PGLYRP4: variants seen among roughly 807,000 people sequenced by gnomAD.
PGLYRP4 encodes the protein peptidoglycan recognition protein 4.
A neutral mutation model predicts 41.2 loss-of-function variants in PGLYRP4; 39 were observed. The ratio of observed to expected loss-of-function variants is 0.95; its 90% CI spans 0.73 to 1.24. The LOEUF (loss-of-function observed/expected upper bound fraction) is 1.24, where lower values mean the gene tolerates loss of function less well. PGLYRP4 is among the 50% of genes most tolerant of loss of function. The pLI, the probability that PGLYRP4 is intolerant of heterozygous loss-of-function variation, is 0.00. For missense variants in PGLYRP4, 467 were observed against 460.7 expected, an observed-to-expected ratio of 1.01 and a Z score of -0.13; for synonymous variants, 202 against 186.8, an observed-to-expected ratio of 1.08 and a Z score of -0.66.
Position 153,330,500 on chromosome 1 carries a change from G to T in PGLYRP4, c.*267C>A. 1 of 262,940 alleles carries T rather than the reference G, an allele frequency of 3.8e-6. No homozygotes were observed. 16.3% of individuals were successfully genotyped at this position (262,940 alleles called of 1,614,324 possible). A position where few individuals can be genotyped will look rare whatever the true frequency, so the allele number is the denominator to read the frequency against. ...AACCAGCCCATTGTCTCACCTGGCT[G>T]AGGAGTTGGGTTTCCAAGGGAGAGG... On this transcript the variant is annotated 3_prime_UTR_variant, in exon 9 of 9. Transcript: ENST00000359650.
At chr1:153,340,201 C>G (rs1038475717) in intron 7 of PGLYRP4, among the ~76,000 whole-genome samples, 180 bp downstream of exon 7, 1 of 152,160 alleles carries the variant, frequency 6.6e-6, no homozygotes, top group South Asian at 2.1e-4. Context: ...ATGACTACCC[C>G]CTTGGCTATC....
At position 153,343,293 on chromosome 1, in the gene PGLYRP4, GAGA is replaced by G. The variant is rs528255380; in HGVS notation, c.354-88_354-86del. 156 of 857,086 alleles carry G rather than the reference GAGA, an allele frequency of 1.8e-4. 1 individual carries two copies. In the East Asian group the frequency reaches 3.7e-3, roughly 20 times the overall value. 53.1% of individuals were successfully genotyped at this position (857,086 alleles called of 1,614,324 possible). A position where few individuals can be genotyped will look rare whatever the true frequency, so the allele number is the denominator to read the frequency against. ...AAACCACTTACCCAGCCTCAAAATG[GAGA>G]AGGACTGAAGCTATGTTCACTAAAA... On this transcript the variant is annotated intron_variant, in intron 4 of 8. Transcript: ENST00000359650.
Position 153,330,420 on chromosome 1 carries a change from AG to A in PGLYRP4, c.*346del. The A allele has an allele frequency of 5.6e-6, 1 of 177,350 alleles. No individual in the cohort carries two copies. The highest frequency in any genetic ancestry group is 1.2e-5 in the Non-Finnish European group (1 of 82,332). The allele number at this position is 177,350 out of a possible 1,614,324, so 11.0% of individuals were successfully genotyped here. ...AGGTGGGGGCTGCCAGGCAGACACC[AG>A]GGGAAGGCTCACCAGGCAGAGGGGA... On this transcript the variant is annotated 3_prime_UTR_variant, in exon 9 of 9. Transcript: ENST00000359650.
rs1365621056 is a variant in PGLYRP4 at position 153,345,246 on chromosome 1, C to G, written c.276G>C (p.Gln92His). Reference protein sequence around the residue: ...HHVPGLECHDQTVCSQRLREL... With the variant: ...HHVPGLECHDHTVCSQRLREL... ...CCCGCAGTCTCTGGCTGCAGACTGT[C>G]TGGTCGTGACACTCCAGTCCAGGGA... The change falls in exon 4 of 9, where the codon CAG becomes CAC. Residue 92 changes from glutamine (Q) to histidine (H), a missense_variant. Gln to His is a conservative substitution (Grantham distance 24). Coordinates refer to ENST00000359650, the MANE Select transcript of PGLYRP4 (RefSeq NM_020393.4). 1 of 1,614,184 alleles carries G rather than the reference C, an allele frequency of 6.2e-7. No individual in the cohort carries two copies. The highest frequency in any genetic ancestry group is 1.1e-5 in the South Asian group (1 of 91,082).
chr1:153,338,223 G>C (rs114887071), intron 7 of PGLYRP4, among the ~76,000 whole-genome samples: 2 of 152,040 alleles, frequency 1.3e-5, no homozygotes, highest in African/African-American at 2.4e-5. Flanking sequence ...TCATCCACTC[G>C]TTAACCCAGG....
At chr1:153,345,123 G>A in intron 4 of PGLYRP4, 46 bp downstream of exon 4, 1 of 1,454,354 alleles carries the variant, frequency 6.9e-7, no homozygotes. Flanking sequence ...GCATCCCAGG[G>A]AAGCAACACT....
chr1:153,333,208 C>T (rs1295599244), intron 8 of PGLYRP4, among the ~76,000 whole-genome samples: 2 of 151,926 alleles, frequency 1.3e-5, no homozygotes, highest in Non-Finnish European at 2.9e-5. Context: ...AATATTAGAA[C>T]ACCCACAATC....
At chr1:153,343,279 C>A in intron 4 of PGLYRP4, 71 bp from the exon 5 acceptor site, 1 of 999,218 alleles carries the variant, frequency 1.0e-6, no homozygotes, top group Non-Finnish European at 1.5e-6. Context: ...AACCACTTAC[C>A]CAGCCTCAAA....
At chr1:153,334,203 T>G (rs1214984797) in intron 8 of PGLYRP4, among the ~76,000 whole-genome samples, 1 of 151,860 alleles carries the variant, frequency 6.6e-6, no homozygotes, top group Admixed American at 6.6e-5. Flanking sequence ...TTCAGTAGTT[T>G]CAAGATACAA....
At chr1:153,338,334 T>G (rs1660655133) in intron 7 of PGLYRP4, among the ~76,000 whole-genome samples, 1 of 152,198 alleles carries the variant, frequency 6.6e-6, no homozygotes, top group South Asian at 2.1e-4. Flanking sequence ...CACTTATCTC[T>G]GTAACCTCTG....
chr1:153,343,190 A>G lies in PGLYRP4; in HGVS notation c.372T>C (p.Asp124=). The change falls in exon 5 of 9, where the codon GAT becomes GAC. Residue 124 remains aspartate (D), a synonymous_variant. Coordinates refer to ENST00000359650, the MANE Select transcript of PGLYRP4 (RefSeq NM_020393.4). ...DVAYNFLVGD[D]GRVYEGVGWN... ...AGCCAACACCTTCATACACCCTGCC[A>G]TCATCCCCAACCAGGAAGCTATGGA... is the stretch of plus-strand genomic sequence containing the variant. 1 of 1,613,156 alleles carries G rather than the reference A, an allele frequency of 6.2e-7. No individual in the cohort carries two copies. Among genetic ancestry groups the G allele is most frequent in the Non-Finnish European group, 8.5e-7 (1 of 1,179,104 alleles).
Position 153,345,214 on chromosome 1 carries a change from T to G in PGLYRP4, c.308A>C (p.Gln103Pro). The G allele has an allele frequency of 1.2e-6, 2 of 1,613,930 alleles. No individual in the cohort carries two copies. Among genetic ancestry groups the G allele is most frequent in the Non-Finnish European group, 1.7e-6 (2 of 1,179,990 alleles). ...ACTGTTGTTGTGGACATGATGGGCCTGCAGTTCCCGCAGTCTCTGGCTGCA... is the reference window on the plus strand; with the variant it reads ...ACTGTTGTTGTGGACATGATGGGCCGGCAGTTCCCGCAGTCTCTGGCTGCA... ...TVCSQRLREL[Q>P]AHHVHNNSGC... is the part of the protein sequence containing the mutation. The change falls in exon 4 of 9, where the codon CAG (glutamine) becomes CCG (proline). Residue 103 changes from glutamine (Q) to proline (P), a missense_variant. Coordinates refer to ENST00000359650, the MANE Select transcript of PGLYRP4 (RefSeq NM_020393.4).
Position 153,330,564 on chromosome 1 carries a change from G to T in PGLYRP4, c.*203C>A, listed in dbSNP as rs1056352859. 2.1e-5 allele frequency: 9 copies of T among 429,504 alleles called. No individual in the cohort carries two copies. The highest frequency in any genetic ancestry group is 3.9e-5 in the Non-Finnish European group (9 of 232,638). 26.6% of individuals were successfully genotyped at this position (429,504 alleles called of 1,614,324 possible). A position where few individuals can be genotyped will look rare whatever the true frequency, so the allele number is the denominator to read the frequency against. ...AAGAAATCTGGACTCAGACTCAGAG[G>T]GCTGTGAATGTCCAGCTATGAGGTT... On this transcript the variant is annotated 3_prime_UTR_variant, in exon 9 of 9. Transcript: ENST00000359650.
intron 8 of PGLYRP4, among the ~76,000 whole-genome samples, chr1:153,336,413 A>T (rs1660569328): frequency 6.6e-6 from 1 of 151,652 alleles, no homozygotes; most frequent in Non-Finnish European, 1.5e-5. Flanking sequence ...AAAGAAAAGA[A>T]ATCATGTCTT....
At chr1:153,346,247 G>A in intron 2 of PGLYRP4, 56 bp from the exon 3 acceptor site, 1 of 1,320,578 alleles carries the variant, frequency 7.6e-7, no homozygotes. Flanking sequence ...CCATCATGGT[G>A]GCACCAGCTC....
At chr1:153,337,054 G>A in intron 8 of PGLYRP4, 127 bp downstream of exon 8, 1 of 784,392 alleles carries the variant, frequency 1.3e-6, no homozygotes, top group Non-Finnish European at 2.3e-6. Context: ...ATGTTGGATT[G>A]GAAGCTGGGT....
intron 3 of PGLYRP4, among the ~76,000 whole-genome samples, 193 bp downstream of exon 3, chr1:153,345,909 C>T (rs1660991062): frequency 6.6e-6 from 1 of 152,126 alleles, no homozygotes; most frequent in African/African-American, 2.4e-5. Context: ...GGTTTCTAGC[C>T]CTCCAGCACC....
chr1:153,338,848 A>T (rs1660676478), intron 7 of PGLYRP4, among the ~76,000 whole-genome samples: 1 of 152,146 alleles, frequency 6.6e-6, no homozygotes, highest in Non-Finnish European at 1.5e-5. Flanking sequence ...GTCCCCTATA[A>T]TAATGTTTAA....
intron 2 of PGLYRP4, among the ~76,000 whole-genome samples, chr1:153,347,305 C>T (rs1661053586): frequency 6.6e-6 from 1 of 151,906 alleles, no homozygotes; most frequent in Admixed American, 6.6e-5. Flanking sequence ...TCCCAAAGTG[C>T]TGGGATTAGA....
Sources: gnomAD v4.1 joint callset for allele counts (sites outside exome capture counted in the v4.1 genomes callset) on GRCh38, gnomAD v4.1.1 for gene constraint, MANE v1.5 for transcripts, NCBI Gene and HGNC (gene_info 2026-07-23, HGNC 2026-07-21) for gene names.